Variants in HS2ST1 observed in about 807,000 individuals in gnomAD.
The protein encoded by HS2ST1 is 2-O-sulfotransferase.
HS2ST1 carries 18 observed loss-of-function variants against 42.9 expected under a neutral mutation model. That is an observed-to-expected ratio of 0.42 (90% CI 0.29 to 0.62). The LOEUF (loss-of-function observed/expected upper bound fraction) is 0.62. HS2ST1 is among the 20% of genes least tolerant of loss of function. The pLI, the probability that HS2ST1 is intolerant of heterozygous loss-of-function variation, is 0.21. For missense variants in HS2ST1, 334 were observed against 433.8 expected, an observed-to-expected ratio of 0.77 and a Z score of 2.04; for synonymous variants, 146 against 152.9, an observed-to-expected ratio of 0.95 and a Z score of 0.33.
At chr1:87,085,378 T>C (rs571673610) in intron 3 of HS2ST1, among the ~76,000 whole-genome samples, 3 of 152,140 alleles carry the variant, frequency 2.0e-5, no homozygotes, top group African/African-American at 7.2e-5. Context: ...AAAAGTAGAA[T>C]GAAGTATTAC....
chr1:87,039,502 A>G (rs1317741434), intron 1 of HS2ST1, among the ~76,000 whole-genome samples: 1 of 152,222 alleles, frequency 6.6e-6, no homozygotes, highest in African/African-American at 2.4e-5. Flanking sequence ...CATCTAACAC[A>G]TCCATCTCTG....
At chr1:86,952,512 A>G (rs1329298425) in intron 1 of HS2ST1, among the ~76,000 whole-genome samples, 2 of 152,242 alleles carry the variant, frequency 1.3e-5, no homozygotes, top group African/African-American at 4.8e-5. Flanking sequence ...TGCTGGGATA[A>G]CAGGCATGAG....
chr1:87,075,446 C>T (rs1425048444), intron 2 of HS2ST1, among the ~76,000 whole-genome samples: 1 of 151,968 alleles, frequency 6.6e-6, no homozygotes, highest in Admixed American at 6.6e-5. Flanking sequence ...GGATTACAGG[C>T]GCCTGGCCTC....
intron 1 of HS2ST1, among the ~76,000 whole-genome samples, chr1:87,040,537 C>A (rs999786841): frequency 1.3e-5 from 2 of 152,098 alleles, no homozygotes; most frequent in Non-Finnish European, 2.9e-5. Context: ...TTGACTCCGC[C>A]AAGGTGCTTT....
intron 1 of HS2ST1, among the ~76,000 whole-genome samples, chr1:87,057,012 A>G (rs1331324722): frequency 6.6e-6 from 1 of 152,232 alleles, no homozygotes; most frequent in East Asian, 1.9e-4. Context: ...CATTGACTCC[A>G]ACCCAAATAA....
At chr1:86,968,491 AC>A (rs1325290113) in intron 1 of HS2ST1, among the ~76,000 whole-genome samples, 4 of 150,778 alleles carry the variant, frequency 2.7e-5, no homozygotes, top group African/African-American at 9.7e-5. Context: ...GCACAGTTGA[AC>A]CCTCCAGGCT....
intron 1 of HS2ST1, among the ~76,000 whole-genome samples, chr1:87,013,517 T>C (rs538025417): frequency 2.0e-5 from 3 of 152,200 alleles, no homozygotes; most frequent in Non-Finnish European, 4.4e-5. Flanking sequence ...CCTCTGGGCC[T>C]GTGATGGGAG....
chr1:87,016,175 G>C lies in HS2ST1; in HGVS notation c.125-56759G>C, dbSNP rs566104702. Among the ~76,000 whole-genome samples, 10 of 152,194 alleles carry C rather than the reference G, an allele frequency of 6.6e-5. No homozygotes were observed. The East Asian group carries it at 1.9e-3, about 29-fold the overall frequency. On this transcript the variant is annotated intron_variant, in intron 1 of 6. Transcript: ENST00000370550. Reference sequence around the variant, plus strand: ...CGTGTTGTTGTGTGTTTGCTTGTTTGGTTTTGGTTATTATATCTTTATTTA... The same window carrying C: ...CGTGTTGTTGTGTGTTTGCTTGTTTCGTTTTGGTTATTATATCTTTATTTA...
intron 1 of HS2ST1, among the ~76,000 whole-genome samples, chr1:86,966,493 A>G (rs1229034355): frequency 6.6e-6 from 1 of 152,188 alleles, no homozygotes; most frequent in Non-Finnish European, 1.5e-5. Context: ...TACTTTCTGA[A>G]ACTTGTAAAG....
intron 1 of HS2ST1, among the ~76,000 whole-genome samples, chr1:86,938,920 A>G (rs1289295630): frequency 6.6e-6 from 1 of 152,242 alleles, no homozygotes; most frequent in South Asian, 2.1e-4. Flanking sequence ...CAACTGGTAG[A>G]AGAAACTTTA....
intron 1 of HS2ST1, among the ~76,000 whole-genome samples, chr1:87,071,310 T>C (rs1651397522): frequency 6.6e-6 from 1 of 152,224 alleles, no homozygotes. Context: ...TTATACCACA[T>C]TGCTTTTCAT....
chr1:87,060,243 C>G (rs1651083829), intron 1 of HS2ST1, among the ~76,000 whole-genome samples: 1 of 151,982 alleles, frequency 6.6e-6, no homozygotes, highest in African/African-American at 2.4e-5. Flanking sequence ...ATTTACCATG[C>G]CTATTTCAAA....
chr1:86,981,744 C>A (rs923212301), intron 1 of HS2ST1, among the ~76,000 whole-genome samples: 7 of 152,352 alleles, frequency 4.6e-5, no homozygotes, highest in African/African-American at 1.4e-4. Flanking sequence ...GGCTGCTTTC[C>A]TGGGCTGGCA....
intron 1 of HS2ST1, among the ~76,000 whole-genome samples, chr1:87,011,525 G>A (rs1288127777): frequency 1.3e-5 from 2 of 152,168 alleles, no homozygotes; most frequent in African/African-American, 4.8e-5. Context: ...TTACAGGCAT[G>A]AGCCACTGTG....
At chr1:87,082,347 G>A (rs1015593346) in intron 2 of HS2ST1, among the ~76,000 whole-genome samples, 2 of 152,152 alleles carry the variant, frequency 1.3e-5, no homozygotes, top group East Asian at 1.9e-4. Flanking sequence ...TTCTGCCCAC[G>A]TCTTTCACTA....
At chr1:86,920,790 T>C (rs1388358935) in intron 1 of HS2ST1, among the ~76,000 whole-genome samples, 1 of 152,236 alleles carries the variant, frequency 6.6e-6, no homozygotes. Flanking sequence ...GTATTCTGCC[T>C]TTCTGCCTGT....
intron 1 of HS2ST1, among the ~76,000 whole-genome samples, chr1:86,950,163 T>C (rs1346529730): frequency 6.6e-6 from 1 of 152,264 alleles, no homozygotes; most frequent in Non-Finnish European, 1.5e-5. Context: ...AAACTGACGT[T>C]ACGTATTCCT....
intron 1 of HS2ST1, among the ~76,000 whole-genome samples, chr1:86,990,065 T>C (rs1198834429): frequency 6.6e-6 from 1 of 152,102 alleles, no homozygotes; most frequent in Non-Finnish European, 1.5e-5. Flanking sequence ...TGAATTATAA[T>C]CCTTTGAGTA....
At chr1:87,002,089 TG>T (rs552777415) in intron 1 of HS2ST1, among the ~76,000 whole-genome samples, 329 of 152,086 alleles carry the variant, frequency 2.2e-3, no homozygotes, top group Middle Eastern at 0.01. Flanking sequence ...ATGTTTTGTA[TG>T]TTTAGTAGAG....
Sources: allele counts gnomAD v4.1 joint callset (sites outside exome capture counted in the v4.1 genomes callset), GRCh38; gene constraint gnomAD v4.1.1; transcripts MANE v1.5; gene names NCBI Gene and HGNC (gene_info 2026-07-23, HGNC 2026-07-21).